ARHGAP10: variants seen among roughly 807,000 people sequenced by gnomAD.
ARHGAP10 encodes the protein rho GTPase-activating protein 10.
A neutral mutation model predicts 108.6 loss-of-function variants in ARHGAP10; 87 were observed. The ratio of observed to expected loss-of-function variants is 0.80; its 90% CI spans 0.67 to 0.96. ARHGAP10 has a LOEUF of 0.96. Ranked by LOEUF, ARHGAP10 falls within the 40% of genes least tolerant of loss-of-function variation. The pLI is 0.00. For missense variants in ARHGAP10, 939 were observed against 954.5 expected (o/e 0.98, Z 0.21); for synonymous variants, 347 against 341.1 (o/e 1.02, Z -0.19).
chr4:148,023,531 A>T (rs1741654194), intron 19 of ARHGAP10, 118 bp downstream of exon 19: 1 of 1,178,120 alleles, frequency 8.5e-7, no homozygotes, highest in Non-Finnish European at 1.1e-6. Flanking sequence ...TTCCCTTAAG[A>T]TTATAATTTT....
At chr4:147,821,701 A>G (rs750453838) in intron 1 of ARHGAP10, among the ~76,000 whole-genome samples, 2 of 152,310 alleles carry the variant, frequency 1.3e-5, no homozygotes, top group Admixed American at 6.5e-5. Context: ...AAAATAGTCT[A>G]TTAAACAATT....
intron 19 of ARHGAP10, among the ~76,000 whole-genome samples, chr4:148,042,229 C>G (rs1158099835): frequency 6.6e-6 from 1 of 152,218 alleles, no homozygotes; most frequent in Non-Finnish European, 1.5e-5. Context: ...AAGTTTCTCT[C>G]TCACCCTTCA....
intron 14 of ARHGAP10, among the ~76,000 whole-genome samples, chr4:147,940,607 G>C (rs762290230): frequency 6.6e-6 from 1 of 152,150 alleles, no homozygotes; most frequent in African/African-American, 2.4e-5. Flanking sequence ...GAGGGCCTGT[G>C]TATCAAACCA....
intron 4 of ARHGAP10, among the ~76,000 whole-genome samples, chr4:147,849,440 T>A (rs985197720): frequency 2.0e-5 from 3 of 152,230 alleles, no homozygotes; most frequent in Non-Finnish European, 2.9e-5. Flanking sequence ...TCTGATTAAA[T>A]CTGCTTACAT....
chr4:147,764,591 T>G (rs536673183), intron 1 of ARHGAP10, among the ~76,000 whole-genome samples: 1 of 152,320 alleles, frequency 6.6e-6, no homozygotes, highest in African/African-American at 2.4e-5. Flanking sequence ...TGGAGTGCAG[T>G]GGCGTGATCT....
intron 19 of ARHGAP10, among the ~76,000 whole-genome samples, chr4:148,043,334 C>T (rs938248524): frequency 6.6e-6 from 1 of 151,672 alleles, no homozygotes; most frequent in African/African-American, 2.4e-5. Flanking sequence ...ACCTTTTTAC[C>T]CAGAGGTGAT....
At chr4:147,894,436 A>G (rs1190899558) in intron 10 of ARHGAP10, among the ~76,000 whole-genome samples, 1 of 152,150 alleles carries the variant, frequency 6.6e-6, no homozygotes, top group African/African-American at 2.4e-5. Context: ...AATTGTAGGA[A>G]TTATTTAGAA....
chr4:147,964,926 G>T (rs1381945258), intron 16 of ARHGAP10, 98 bp from the exon 17 acceptor site: 14 of 804,486 alleles, frequency 1.7e-5, no homozygotes, highest in Non-Finnish European at 2.4e-5. Context: ...AGGAGCTGTT[G>T]TCATTGTCTT....
chr4:147,785,761 C>A (rs1476340916), intron 1 of ARHGAP10, among the ~76,000 whole-genome samples: 1 of 152,008 alleles, frequency 6.6e-6, no homozygotes, highest in Non-Finnish European at 1.5e-5. Flanking sequence ...GGATTTTCAG[C>A]AATTATTTCA....
intron 20 of ARHGAP10, among the ~76,000 whole-genome samples, chr4:148,049,679 TTGCCTTTGAG>T (rs1729038418): frequency 6.6e-6 from 1 of 152,166 alleles, no homozygotes; most frequent in African/African-American, 2.4e-5. Flanking sequence ...GAAATTCAAG[TTGCCTTTGAG>T]TGTTCTTTAA....
chr4:147,871,470 A>G (rs1435554399), intron 7 of ARHGAP10, among the ~76,000 whole-genome samples: 2 of 152,180 alleles, frequency 1.3e-5, no homozygotes, highest in East Asian at 1.9e-4. Context: ...TTCTCTTTCA[A>G]TCAGATTTAA....
intron 10 of ARHGAP10, among the ~76,000 whole-genome samples, chr4:147,888,702 A>T (rs879923082): frequency 3.9e-5 from 6 of 152,212 alleles, no homozygotes; most frequent in Non-Finnish European, 5.9e-5. Flanking sequence ...ACAGAGAAAC[A>T]TCTATTCTGG....
At chr4:148,048,591 A>G (rs1578826282) in intron 20 of ARHGAP10, among the ~76,000 whole-genome samples, 1 of 152,252 alleles carries the variant, frequency 6.6e-6, no homozygotes, top group African/African-American at 2.4e-5. Context: ...CGCAGAATCT[A>G]TAATCCTGGT....
intron 7 of ARHGAP10, among the ~76,000 whole-genome samples, chr4:147,870,341 G>A (rs959311352): frequency 5.3e-5 from 8 of 152,116 alleles, no homozygotes; most frequent in Non-Finnish European, 8.8e-5. Flanking sequence ...GATTACAGGC[G>A]TGAGCCACCG....
chr4:147,912,481 C>T (rs1447383760), intron 12 of ARHGAP10, among the ~76,000 whole-genome samples: 2 of 149,900 alleles, frequency 1.3e-5, no homozygotes, highest in Non-Finnish European at 3.0e-5. Flanking sequence ...GTAGAGGTTG[C>T]ACTCTAGCTT....
At chr4:147,948,107 A>AT (rs1397067295) in intron 15 of ARHGAP10, among the ~76,000 whole-genome samples, 2 of 151,756 alleles carry the variant, frequency 1.3e-5, no homozygotes, top group African/African-American at 4.8e-5. Context: ...TGTCCGGCTA[A>AT]TTTTTTGGTA....
chr4:147,982,361 CTTTCT>C (rs1739843222), intron 18 of ARHGAP10, among the ~76,000 whole-genome samples: 2 of 123,958 alleles, frequency 1.6e-5, no homozygotes, highest in African/African-American at 6.2e-5. Flanking sequence ...TCTTTTCTTT[CTTTCT>C]TTTTTTTTTT....
At chr4:147,958,456 A>C (rs1223133477) in intron 16 of ARHGAP10, among the ~76,000 whole-genome samples, 1 of 152,220 alleles carries the variant, frequency 6.6e-6, no homozygotes, top group Non-Finnish European at 1.5e-5. Context: ...GAGAAACATA[A>C]CTATAATCGG....
chr4:147,990,333 G>A (rs56320153), intron 18 of ARHGAP10, among the ~76,000 whole-genome samples: 6,925 of 152,212 alleles, frequency 0.045, 493 homozygotes, highest in African/African-American at 0.16. Context: ...ACATTTTGAC[G>A]AATGAATGTT....
Sources: gnomAD v4.1 joint callset for allele counts (sites outside exome capture counted in the v4.1 genomes callset) on GRCh38, gnomAD v4.1.1 for gene constraint, MANE v1.5 for transcripts, NCBI Gene and HGNC (gene_info 2026-07-23, HGNC 2026-07-21) for gene names.